Variants in MAN1A2 observed in about 807,000 individuals in gnomAD.
The protein encoded by MAN1A2 is mannosyl-oligosaccharide 1,2-alpha-mannosidase IB.
A neutral mutation model predicts 75.7 loss-of-function variants in MAN1A2; 26 were observed. That is an observed-to-expected ratio of 0.34 (90% CI 0.25 to 0.48). MAN1A2 has a LOEUF of 0.48. Among genes scored for constraint, MAN1A2 ranks in the 20% least tolerant of loss-of-function variants. The pLI is 0.99. For synonymous variants in MAN1A2, 247 were observed against 264.6 expected, an observed-to-expected ratio of 0.93 and a Z score of 0.65; for missense variants, 562 against 775.5, an observed-to-expected ratio of 0.72 and a Z score of 3.27.
At chr1:117,401,047 C>G (rs1647407857) in intron 1 of MAN1A2, among the ~76,000 whole-genome samples, 1 of 152,052 alleles carries the variant, frequency 6.6e-6, no homozygotes, top group Non-Finnish European at 1.5e-5. Flanking sequence ...TCCTGGCTAC[C>G]ACCATTCTAC....
intron 10 of MAN1A2, 60 bp downstream of exon 10, chr1:117,497,042 T>C (rs2101877153): frequency 7.2e-7 from 1 of 1,394,766 alleles, no homozygotes. Context: ...TAAAAATGTG[T>C]TCAGCAATAA....
At chr1:117,460,772 T>C (rs1349452896) in intron 7 of MAN1A2, among the ~76,000 whole-genome samples, 160 bp downstream of exon 7, 1 of 152,226 alleles carries the variant, frequency 6.6e-6, no homozygotes, top group African/African-American at 2.4e-5. Context: ...GAAATGTCCT[T>C]TCTATTTAGA....
At chr1:117,501,362 T>C (rs1050050566) in intron 11 of MAN1A2, among the ~76,000 whole-genome samples, 3 of 151,812 alleles carry the variant, frequency 2.0e-5, no homozygotes, top group South Asian at 2.1e-4. Flanking sequence ...GTGTCATATC[T>C]TAAATAGTAT....
intron 4 of MAN1A2, among the ~76,000 whole-genome samples, chr1:117,416,002 C>T (rs981725585): frequency 2.0e-5 from 3 of 151,924 alleles, no homozygotes; most frequent in African/African-American, 7.2e-5. Flanking sequence ...ACAGATTGTG[C>T]TTTTTGTATC....
intron 6 of MAN1A2, among the ~76,000 whole-genome samples, chr1:117,447,120 T>G (rs1651007311): frequency 6.6e-6 from 1 of 152,106 alleles, no homozygotes; most frequent in South Asian, 2.1e-4. Context: ...TTTTTTCCAT[T>G]TATTTTCAGC....
intron 4 of MAN1A2, among the ~76,000 whole-genome samples, chr1:117,417,690 G>GCA (rs34249748): frequency 0.085 from 12,137 of 142,432 alleles, 554 homozygotes; most frequent in Middle Eastern, 0.15. Context: ...AAGTAGGCGT[G>GCA]CACACACACA....
intron 1 of MAN1A2, among the ~76,000 whole-genome samples, chr1:117,372,342 T>C (rs1184502525): frequency 6.6e-6 from 1 of 152,130 alleles, no homozygotes; most frequent in Non-Finnish European, 1.5e-5. Context: ...TGGTTAAATA[T>C]GGGGCCAAAA....
intron 1 of MAN1A2, among the ~76,000 whole-genome samples, chr1:117,379,975 A>G (rs1653277141): frequency 6.6e-6 from 1 of 152,010 alleles, no homozygotes; most frequent in African/African-American, 2.4e-5. Flanking sequence ...CGTTTTGAGT[A>G]CCTGTTTTCA....
chr1:117,442,713 C>T (rs1223932262), intron 6 of MAN1A2, among the ~76,000 whole-genome samples: 2 of 152,074 alleles, frequency 1.3e-5, no homozygotes, highest in Non-Finnish European at 2.9e-5. Flanking sequence ...TCCTGATCTT[C>T]TAAGTGAAAA....
intron 1 of MAN1A2, among the ~76,000 whole-genome samples, chr1:117,379,547 G>A (rs1033875654): frequency 1.3e-5 from 2 of 152,000 alleles, no homozygotes; most frequent in Non-Finnish European, 2.9e-5. Context: ...ACATTCACAT[G>A]GTTGTGTAAC....
rs1374255880 is a variant in MAN1A2 at position 117,525,748 on chromosome 1, A to T, written c.*2791A>T. The T allele has an allele frequency of 6.6e-6, 1 of 151,770 alleles. No individual in the cohort carries two copies. Among genetic ancestry groups the T allele is most frequent in the Non-Finnish European group, 1.5e-5 (1 of 67,792 alleles). 9.4% of individuals were successfully genotyped at this position (151,770 alleles called of 1,614,324 possible). On this transcript the variant is annotated 3_prime_UTR_variant, in exon 13 of 13. Transcript: ENST00000356554. ...GTTAAACCAGATTATTATTATTATT[A>T]TTATTCAACCAGTATTAAGTTGTTA...
At chr1:117,417,409 C>G (rs1173790002) in intron 4 of MAN1A2, among the ~76,000 whole-genome samples, 1 of 150,854 alleles carries the variant, frequency 6.6e-6, no homozygotes, top group East Asian at 1.9e-4. Flanking sequence ...TATGATCATA[C>G]TTTTCATTTG....
intron 6 of MAN1A2, among the ~76,000 whole-genome samples, chr1:117,445,866 G>GTATATATATATATATATATATA (rs1255167664): frequency 1.7e-5 from 2 of 120,150 alleles, no homozygotes; most frequent in Admixed American, 8.6e-5. Context: ...GTGTATGTGT[G>GTATATATATATATATATATATA]TGTGTGTCTG....
At chr1:117,502,756 A>C (rs866599115) in intron 11 of MAN1A2, 99 bp from the exon 12 acceptor site, 10 of 667,662 alleles carry the variant, frequency 1.5e-5, no homozygotes, top group Non-Finnish European at 2.1e-5. Flanking sequence ...TTTTCATACA[A>C]ATCTTTATGA....
chr1:117,405,280 C>T (rs1647576832), intron 2 of MAN1A2, among the ~76,000 whole-genome samples: 1 of 151,912 alleles, frequency 6.6e-6, no homozygotes, highest in Non-Finnish European at 1.5e-5. Context: ...AAAGACTTAA[C>T]ATTTCTCAAA....
intron 10 of MAN1A2, among the ~76,000 whole-genome samples, chr1:117,497,954 A>C (rs561718290): frequency 3.2e-4 from 49 of 152,078 alleles, no homozygotes; most frequent in Admixed American, 2.3e-3. Context: ...TGAAACAAAT[A>C]TGATTGACCT....
chr1:117,401,362 C>A (rs55655346), intron 1 of MAN1A2, among the ~76,000 whole-genome samples: 21,548 of 152,030 alleles, frequency 0.14, 1,738 homozygotes, highest in South Asian at 0.22. Context: ...GGAGAGATGA[C>A]CTATTGACTC....
chr1:117,383,984 AT>A (rs1653439157), intron 1 of MAN1A2, among the ~76,000 whole-genome samples: 1 of 151,926 alleles, frequency 6.6e-6, no homozygotes, highest in Non-Finnish European at 1.5e-5. Flanking sequence ...CTCCACTTTT[AT>A]TTGTGATTTT....
chr1:117,460,217 C>T (rs1208037405), intron 6 of MAN1A2, among the ~76,000 whole-genome samples: 3 of 151,958 alleles, frequency 2.0e-5, no homozygotes, highest in Admixed American at 6.6e-5. Flanking sequence ...ATGTAAGAAA[C>T]GAATGAAAGT....
Sources: allele counts gnomAD v4.1 joint callset (sites outside exome capture counted in the v4.1 genomes callset), GRCh38; gene constraint gnomAD v4.1.1; transcripts MANE v1.5; gene names NCBI Gene and HGNC (gene_info 2026-07-23, HGNC 2026-07-21).